The following RASA2 variants were observed in gnomAD, a reference collection of about 807,000 sequenced individuals.
RASA2 encodes RAS p21 protein activator 2.
A neutral mutation model predicts 118.2 loss-of-function variants in RASA2; 155 were observed. The ratio of observed to expected loss-of-function variants is 1.31; its 90% confidence interval spans 1.15 to 1.50. The LOEUF is 1.50. Ranked by LOEUF, RASA2 falls within the 40% of genes most tolerant of loss-of-function variation. The pLI is 0.00. For missense variants in RASA2, 1,016 were observed against 1,009.6 expected, an observed-to-expected ratio of 1.01 and a Z score of -0.09; for synonymous variants, 353 against 349.1, an observed-to-expected ratio of 1.01 and a Z score of -0.12.
rs544623662 is a variant in RASA2 at position 141,594,822 on chromosome 3, GA to G, written c.1933+8071del. Among the ~76,000 whole-genome samples, 11 of 151,740 alleles carry G rather than the reference GA, an allele frequency of 7.2e-5. No homozygotes were observed. In the East Asian group the frequency reaches 2.1e-3, roughly 29 times the overall value. On this transcript the variant is annotated intron_variant, in intron 19 of 23. Transcript: ENST00000286364. The stretch of plus-strand genomic sequence containing the variant: ...CCAGATGGAAACTTAGATCTACAAG[GA>G]GTAAAGAGCACTGGAAATGGTAAAT...
At chr3:141,494,350 A>G (rs910394918) in intron 1 of RASA2, among the ~76,000 whole-genome samples, 6 of 152,258 alleles carry the variant, frequency 3.9e-5, no homozygotes, top group Admixed American at 6.5e-5. Context: ...TTACTGGTCT[A>G]TGAAATAAAA....
Position 141,581,177 on chromosome 3 carries a change from G to A in RASA2, c.1752G>A (p.Lys584=). ...AAGGATATATTATAGCAGTTAAAAA[G>A]GTATGATGGTTTTATTCTGGAATTG... ...QEEGYIIAVK[K]FLDEISSTET... The change falls in exon 17 of 24, where the codon AAG becomes AAA. Residue 584 remains lysine (K), a splice_region_variant and synonymous_variant. Coordinates refer to ENST00000286364, the MANE Select transcript of RASA2 (RefSeq NM_006506.5). 6.7e-7 allele frequency: 1 copy of A among 1,488,004 alleles called. No individual in the cohort carries two copies. The highest frequency in any genetic ancestry group is 8.9e-7 in the Non-Finnish European group (1 of 1,122,250). The allele number at this position is 1,488,004 out of a possible 1,614,324, so 92.2% of individuals were successfully genotyped here.
Position 141,565,525 on chromosome 3 carries a change from C to T in RASA2, c.864-5387C>T, listed in dbSNP as rs545761173. ...AGATAATTGAATCATCGGGTGGTTT[C>T]AAATCCCCATACTGTTCTTGTGGTA... On this transcript the variant is annotated intron_variant, in intron 9 of 23. Transcript: ENST00000286364. 2.6e-5 allele frequency among the ~76,000 whole-genome samples: 4 copies of T among 152,262 alleles called. No homozygotes were observed. In the South Asian group the frequency reaches 8.3e-4, roughly 32 times the overall value.
At chr3:141,550,914 A>T in intron 5 of RASA2, among the ~76,000 whole-genome samples, 1 of 152,168 alleles carries the variant, frequency 6.6e-6, no homozygotes, top group African/African-American at 2.4e-5. Flanking sequence ...GTCTTAGCAA[A>T]TGTTTAATTC....
chr3:141,573,063 A>G (rs2082949537), intron 12 of RASA2, 84 bp from the exon 13 acceptor site: 1 of 1,181,804 alleles, frequency 8.5e-7, no homozygotes, highest in Non-Finnish European at 1.2e-6. Context: ...TCTATAATTA[A>G]CTTTTATTAT....
At chr3:141,559,823 T>C (rs2151118942) in intron 8 of RASA2, 71 bp from the exon 9 acceptor site, 1 of 1,248,412 alleles carries the variant, frequency 8.0e-7, no homozygotes, top group South Asian at 1.3e-5. Context: ...CAAAGTAATT[T>C]GAAGCTGTTT....
chr3:141,578,735 G>C (rs1172123428), intron 15 of RASA2: 2 of 152,178 alleles, frequency 1.3e-5, no homozygotes, highest in African/African-American at 4.8e-5. Flanking sequence ...GACATAAACA[G>C]AACACCTACT....
chr3:141,573,122 A>G (rs2082950742), intron 12 of RASA2, 25 bp from the exon 13 acceptor site: 1 of 1,536,256 alleles, frequency 6.5e-7, no homozygotes. Flanking sequence ...GAAAAAAATC[A>G]TTAACTGAAA....
At chr3:141,571,277 T>C (rs1440311515) in intron 10 of RASA2, 129 bp from the exon 11 acceptor site, 1 of 1,362,278 alleles carries the variant, frequency 7.3e-7, no homozygotes, top group Non-Finnish European at 1.0e-6. Flanking sequence ...TGATAAAAAA[T>C]TTCGAAAATT....
chr3:141,499,179 A>G (rs2081743855), intron 1 of RASA2, among the ~76,000 whole-genome samples: 1 of 152,216 alleles, frequency 6.6e-6, no homozygotes, highest in South Asian at 2.1e-4. Flanking sequence ...TATTGTGCAC[A>G]TGACTTCCAT....
intron 19 of RASA2, among the ~76,000 whole-genome samples, chr3:141,601,272 C>A (rs1268411898): frequency 2.0e-5 from 3 of 151,916 alleles, no homozygotes; most frequent in African/African-American, 7.3e-5. Context: ...ATTAAAAATA[C>A]AAAAATTAGC....
chr3:141,602,213 A>G (rs961589507), intron 19 of RASA2, among the ~76,000 whole-genome samples: 1 of 152,154 alleles, frequency 6.6e-6, no homozygotes, highest in Non-Finnish European at 1.5e-5. Context: ...AGACATTTTT[A>G]AGATCAGCAG....
intron 15 of RASA2, chr3:141,578,865 A>G (rs998216086): frequency 1.3e-5 from 2 of 152,212 alleles, no homozygotes; most frequent in African/African-American, 2.4e-5. Flanking sequence ...TGCAGGAAAC[A>G]TGAGTGCAGG....
chr3:141,520,605 A>G (rs1018412603), intron 3 of RASA2, among the ~76,000 whole-genome samples: 3 of 152,046 alleles, frequency 2.0e-5, no homozygotes, highest in African/African-American at 7.3e-5. Context: ...AAGAATCTGC[A>G]TATTGTATTA....
intron 17 of RASA2, among the ~76,000 whole-genome samples, chr3:141,584,330 C>CAAAAAAAAAAA (rs56396460): frequency 1.3e-4 from 8 of 60,650 alleles, no homozygotes; most frequent in Admixed American, 2.1e-4. Flanking sequence ...AACTCCATCC[C>CAAAAAAAAAAA]AAAAAAAAAA....
intron 1 of RASA2, among the ~76,000 whole-genome samples, 158 bp downstream of exon 1, chr3:141,487,374 T>G (rs1263463764): frequency 1.0e-4 from 9 of 89,276 alleles, no homozygotes; most frequent in South Asian, 8.1e-4. Flanking sequence ...GGGGGTGTGT[T>G]GGGGGGCGGC....
chr3:141,551,771 A>G (rs1030422815), intron 5 of RASA2, among the ~76,000 whole-genome samples: 6 of 152,178 alleles, frequency 3.9e-5, no homozygotes, highest in African/African-American at 1.4e-4. Context: ...AAATCCAAAG[A>G]AAAGAATCAG....
chr3:141,538,283 A>C (rs1461396690), intron 4 of RASA2, among the ~76,000 whole-genome samples: 1 of 152,172 alleles, frequency 6.6e-6, no homozygotes, highest in Non-Finnish European at 1.5e-5. Context: ...TTAAAACTTT[A>C]TTTTTCTTTA....
intron 19 of RASA2, among the ~76,000 whole-genome samples, chr3:141,590,372 A>G (rs2083270089): frequency 6.6e-6 from 1 of 152,178 alleles, no homozygotes; most frequent in African/African-American, 2.4e-5. Context: ...GTGGCCTTAA[A>G]TTTCTTGTGA....
Sources: allele counts gnomAD v4.1 joint callset (sites outside exome capture counted in the v4.1 genomes callset), GRCh38; gene constraint gnomAD v4.1.1; transcripts MANE v1.5; gene names NCBI Gene and HGNC (gene_info 2026-07-23, HGNC 2026-07-21).